The following ALDH1A2 variants were observed in gnomAD, a reference collection of about 807,000 sequenced individuals.
The protein encoded by ALDH1A2 is retinal dehydrogenase 2.
ALDH1A2 carries 27 observed loss-of-function variants against 60.3 expected under a neutral mutation model. That is an observed-to-expected ratio of 0.45 (90% confidence interval 0.33 to 0.62). The LOEUF (loss-of-function observed/expected upper bound fraction) is 0.62. ALDH1A2 is among the 20% of genes least tolerant of loss of function. The pLI is 0.02. For missense variants in ALDH1A2, 581 were observed against 643.8 expected (o/e 0.90, Z 1.06); for synonymous variants, 289 against 232.4 (o/e 1.24, Z -2.21).
At chr15:57,992,210 C>A (rs1171133370) in intron 7 of ALDH1A2, among the ~76,000 whole-genome samples, 1 of 152,110 alleles carries the variant, frequency 6.6e-6, no homozygotes, top group Non-Finnish European at 1.5e-5. Context: ...GCAACAGAGA[C>A]CACGTTGCCT....
intron 9 of ALDH1A2, 38 bp downstream of exon 9, chr15:57,963,847 G>T: frequency 6.2e-7 from 1 of 1,610,620 alleles, no homozygotes; most frequent in African/African-American, 1.3e-5. Flanking sequence ...GCCAGTCAAG[G>T]ATTAAGTAAA....
intron 8 of ALDH1A2, chr15:57,964,590 A>T (rs1893834565): frequency 6.3e-6 from 1 of 158,230 alleles, no homozygotes; most frequent in East Asian, 1.8e-4. Flanking sequence ...ACAACTCCTA[A>T]ATCTACAGGG....
rs1430315544 is a variant in ALDH1A2 at position 57,954,920 on chromosome 15, A to G, written c.*277T>C. The G allele has an allele frequency of 5.6e-6, 3 of 531,826 alleles. No homozygotes were observed. The highest frequency in any genetic ancestry group is 6.6e-5 in the East Asian group (2 of 30,186). The allele number at this position is 531,826 out of a possible 1,614,324, so 32.9% of individuals were successfully genotyped here. A position where few individuals can be genotyped will look rare whatever the true frequency, so the allele number is the denominator to read the frequency against. The stretch of plus-strand genomic sequence containing the variant: ...TCCCTTATTTCATCCTGTGCTCCAG[A>G]AGGAGATACTGGATGTGTCTGCTAG... On this transcript the variant is annotated 3_prime_UTR_variant, in exon 13 of 13. Coordinates refer to ENST00000249750, the MANE Select transcript of ALDH1A2 (RefSeq NM_003888.4).
chr15:57,997,336 G>T (rs1015813939), intron 4 of ALDH1A2, among the ~76,000 whole-genome samples: 24 of 151,942 alleles, frequency 1.6e-4, no homozygotes, highest in Non-Finnish European at 4.4e-5. Context: ...CAACACCACT[G>T]ATCAATAAGC....
chr15:57,988,209 A>T (rs1276466190), intron 7 of ALDH1A2, among the ~76,000 whole-genome samples: 1 of 152,230 alleles, frequency 6.6e-6, no homozygotes, highest in African/African-American at 2.4e-5. Context: ...ATGAGATTGG[A>T]ACAATGCTGC....
chr15:58,049,059 TG>T (rs1475728214), intron 1 of ALDH1A2, among the ~76,000 whole-genome samples: 2 of 152,114 alleles, frequency 1.3e-5, no homozygotes, highest in Non-Finnish European at 2.9e-5. Flanking sequence ...GAATTTCATA[TG>T]AATGGAATCA....
chr15:57,962,301 T>C, intron 9 of ALDH1A2, 125 bp from the exon 10 acceptor site: 1 of 1,200,712 alleles, frequency 8.3e-7, no homozygotes. Flanking sequence ...TCAGATCATA[T>C]AAAACTGCTG....
intron 1 of ALDH1A2, among the ~76,000 whole-genome samples, chr15:58,059,437 G>A (rs149278908): frequency 6.6e-6 from 1 of 152,114 alleles, no homozygotes; most frequent in Admixed American, 6.5e-5. Flanking sequence ...GGACAGTCAG[G>A]ACTAGTAAAA....
intron 5 of ALDH1A2, among the ~76,000 whole-genome samples, chr15:57,994,706 T>A (rs1894995459): frequency 6.6e-6 from 1 of 152,118 alleles, no homozygotes; most frequent in South Asian, 2.1e-4. Context: ...AAAGATCATA[T>A]AAAATAATAT....
In ALDH1A2 at chr15:58,019,217, CCAAA is replaced by C. The variant is rs147628211; in HGVS notation, c.118-4940_118-4937del. On this transcript the variant is annotated intron_variant, in intron 1 of 12. Transcript: ENST00000249750. The stretch of plus-strand genomic sequence containing the variant: ...GCCTACCTTTCATATTTTAAATGCC[CCAAA>C]CAAATTTGTTAAACGAAGAAACGAG... Among the ~76,000 whole-genome samples the C allele has an allele frequency of 4.8e-3, 729 of 152,038 alleles. 8 individuals are homozygous for C. The highest frequency in any genetic ancestry group is 0.017 in the African/African-American group (695 of 41,496).
Position 58,028,475 on chromosome 15 carries a change from A to C in ALDH1A2, c.118-14194T>G, listed in dbSNP as rs766055310. Among the ~76,000 whole-genome samples the C allele has an allele frequency of 1.1e-3, 162 of 152,344 alleles. 1 individual carries two copies. The highest frequency in any genetic ancestry group is 1.7e-3 in the Non-Finnish European group (117 of 68,014). On this transcript the variant is annotated intron_variant, in intron 1 of 12. Transcript: ENST00000249750. ...CAAAATTGTAAAGACCATCCATGCT[A>C]TGAAGAAACTGCATCAATTAACGGG...
chr15:57,969,934 C>T (rs1325276397), intron 7 of ALDH1A2, among the ~76,000 whole-genome samples: 4 of 152,206 alleles, frequency 2.6e-5, no homozygotes, highest in African/African-American at 7.2e-5. Context: ...CAAACTCTGG[C>T]TTCTAATGAA....
chr15:58,009,899 G>A (rs1895575240), intron 4 of ALDH1A2, among the ~76,000 whole-genome samples: 1 of 152,106 alleles, frequency 6.6e-6, no homozygotes. Flanking sequence ...GCTATCACTA[G>A]TATTCAAGCA....
intron 7 of ALDH1A2, among the ~76,000 whole-genome samples, chr15:57,972,301 T>C (rs1894096436): frequency 6.6e-6 from 1 of 152,182 alleles, no homozygotes; most frequent in East Asian, 1.9e-4. Context: ...TTGGTTCCCC[T>C]TTGCTGTGAG....
intron 1 of ALDH1A2, among the ~76,000 whole-genome samples, chr15:58,061,412 G>A (rs150021100): frequency 1.3e-5 from 2 of 151,332 alleles, no homozygotes; most frequent in Non-Finnish European, 2.9e-5. Flanking sequence ...TCCTGGCACA[G>A]GCAAGAATCT....
intron 1 of ALDH1A2, among the ~76,000 whole-genome samples, chr15:58,051,151 G>T (rs999053663): frequency 6.6e-6 from 1 of 152,090 alleles, no homozygotes; most frequent in Non-Finnish European, 1.5e-5. Flanking sequence ...CGTATTTAAA[G>T]AATTAAATTA....
At chr15:58,021,187 A>C (rs1325030493) in intron 1 of ALDH1A2, among the ~76,000 whole-genome samples, 4 of 152,156 alleles carry the variant, frequency 2.6e-5, no homozygotes, top group African/African-American at 9.7e-5. Flanking sequence ...TCTGCATTTT[A>C]ACTAGCAAGT....
At chr15:58,048,912 A>G (rs1220755289) in intron 1 of ALDH1A2, among the ~76,000 whole-genome samples, 1 of 151,930 alleles carries the variant, frequency 6.6e-6, no homozygotes, top group African/African-American at 2.4e-5. Context: ...AAGATAATGA[A>G]TATATCCATT....
At chr15:58,033,214 AC>A (rs2140543906) in intron 1 of ALDH1A2, among the ~76,000 whole-genome samples, 1 of 152,020 alleles carries the variant, frequency 6.6e-6, no homozygotes, top group South Asian at 2.1e-4. Flanking sequence ...CATCTCATTT[AC>A]CCCCATAAAT....
Sources: gnomAD v4.1 joint callset for allele counts (sites outside exome capture counted in the v4.1 genomes callset) on GRCh38, gnomAD v4.1.1 for gene constraint, MANE v1.5 for transcripts, NCBI Gene and HGNC (gene_info 2026-07-23, HGNC 2026-07-21) for gene names.